The following ADGRB3 variants were observed in gnomAD, a reference collection of about 807,000 sequenced individuals.
The protein encoded by ADGRB3 is brain-specific angiogenesis inhibitor 3.
A neutral mutation model predicts 193.4 loss-of-function variants in ADGRB3; 37 were observed. The ratio of observed to expected loss-of-function variants is 0.19; its 90% confidence interval spans 0.15 to 0.25. ADGRB3 has a LOEUF of 0.25. Ranked by LOEUF, ADGRB3 falls within the 10% of genes least tolerant of loss-of-function variation. The pLI is 1.00. For missense variants in ADGRB3, 1,637 were observed against 1,852.9 expected (o/e 0.88, Z 2.14); for synonymous variants, 690 against 644.2 (o/e 1.07, Z -1.08).
chr6:69,023,341 G>A (rs1028910523), intron 13 of ADGRB3, among the ~76,000 whole-genome samples: 5 of 152,092 alleles, frequency 3.3e-5, no homozygotes, highest in Non-Finnish European at 5.9e-5. Flanking sequence ...TCCAGGAGAT[G>A]TTGTTCTGTA....
At chr6:69,149,921 T>C (rs1774620683) in intron 17 of ADGRB3, among the ~76,000 whole-genome samples, 2 of 140,854 alleles carry the variant, frequency 1.4e-5, no homozygotes, top group Non-Finnish European at 3.0e-5. Flanking sequence ...TCTGTCTGTC[T>C]TTCTGTGTGT....
chr6:68,753,155 C>G (rs1183166485), intron 3 of ADGRB3, among the ~76,000 whole-genome samples: 1 of 152,084 alleles, frequency 6.6e-6, no homozygotes, highest in African/African-American at 2.4e-5. Flanking sequence ...AATACACTAT[C>G]CATGATTTTC....
intron 17 of ADGRB3, among the ~76,000 whole-genome samples, chr6:69,112,105 T>G (rs1428631009): frequency 6.6e-6 from 1 of 152,204 alleles, no homozygotes; most frequent in African/African-American, 2.4e-5. Flanking sequence ...GATTTTTTTC[T>G]TCTCACTTTA....
chr6:69,008,214 T>C (rs1769824422), intron 11 of ADGRB3, among the ~76,000 whole-genome samples: 1 of 152,168 alleles, frequency 6.6e-6, no homozygotes, highest in Non-Finnish European at 1.5e-5. Context: ...ATTTGCTTAC[T>C]TTTTCTTCTC....
At position 69,330,515 on chromosome 6, in the gene ADGRB3, C is replaced by G. The variant is rs772783507; in HGVS notation, c.3045C>G (p.Leu1015=). Residue 1015 remains leucine, a synonymous_variant, in exon 23 of 32, where the codon CTC becomes CTG. Transcript: ENST00000370598. ...KGYGTDHYCW[L]SLEGGLLYAF... ...CTAATGTCATTTTCAGCTGCTGGCT[C>G]TCTCTTGAAGGAGGACTACTCTATG... The G allele has an allele frequency of 1.9e-5, 30 of 1,603,516 alleles. No homozygotes were observed. Among genetic ancestry groups the G allele is most frequent in the Admixed American group, 1.7e-4 (10 of 59,372 alleles).
At chr6:69,358,721 T>A (rs947858655) in intron 28 of ADGRB3, among the ~76,000 whole-genome samples, 6 of 151,906 alleles carry the variant, frequency 3.9e-5, no homozygotes, top group African/African-American at 1.4e-4. Context: ...GTTTGAAGTT[T>A]GTGTTTCACT....
At chr6:69,108,140 G>T (rs1013150418) in intron 17 of ADGRB3, among the ~76,000 whole-genome samples, 2 of 151,988 alleles carry the variant, frequency 1.3e-5, no homozygotes, top group Admixed American at 6.6e-5. Context: ...CCAGGTCACA[G>T]AAACTATTCA....
At chr6:68,886,906 C>T (rs1021478719) in intron 3 of ADGRB3, among the ~76,000 whole-genome samples, 9 of 151,830 alleles carry the variant, frequency 5.9e-5, no homozygotes, top group African/African-American at 2.2e-4. Context: ...TGTAGAATAA[C>T]ATCATCCCTA....
intron 8 of ADGRB3, 62 bp downstream of exon 8, chr6:68,956,871 A>T: frequency 6.4e-7 from 1 of 1,564,948 alleles, no homozygotes; most frequent in Non-Finnish European, 8.7e-7. Flanking sequence ...AAAAAGATTT[A>T]AAAATATTGT....
chr6:68,662,234 A>G (rs1215577046), intron 3 of ADGRB3, among the ~76,000 whole-genome samples: 1 of 151,652 alleles, frequency 6.6e-6, no homozygotes, highest in Non-Finnish European at 1.5e-5. Context: ...TGAGCAGCTT[A>G]GAATAGTCCT....
intron 17 of ADGRB3, among the ~76,000 whole-genome samples, chr6:69,218,775 A>T (rs560604014): frequency 6.6e-6 from 1 of 152,150 alleles, no homozygotes; most frequent in Admixed American, 6.6e-5. Flanking sequence ...ATCGGAGCCA[A>T]TGAGAATTTA....
intron 3 of ADGRB3, among the ~76,000 whole-genome samples, chr6:68,870,393 T>C (rs1019477217): frequency 6.6e-6 from 1 of 152,208 alleles, no homozygotes; most frequent in Non-Finnish European, 1.5e-5. Flanking sequence ...TATCAGCATG[T>C]CTTGAAAAAT....
chr6:69,216,967 T>C (rs1765783188), intron 17 of ADGRB3, among the ~76,000 whole-genome samples: 1 of 152,164 alleles, frequency 6.6e-6, no homozygotes, highest in Non-Finnish European at 1.5e-5. Context: ...TAACCTGTCT[T>C]GTCCAGAAAC....
chr6:69,052,771 G>A (rs970881743), intron 15 of ADGRB3, among the ~76,000 whole-genome samples: 1 of 152,142 alleles, frequency 6.6e-6, no homozygotes, highest in African/African-American at 2.4e-5. Flanking sequence ...CCCTTTTAAA[G>A]TTAAGTAGGT....
chr6:69,311,531 C>A (rs945736207), intron 20 of ADGRB3, among the ~76,000 whole-genome samples: 1 of 151,670 alleles, frequency 6.6e-6, no homozygotes, highest in Non-Finnish European at 1.5e-5. Flanking sequence ...CCAGTCTGCT[C>A]ACAGGTACTC....
chr6:68,766,848 C>A lies in ADGRB3; in HGVS notation c.757+127416C>A, dbSNP rs548886937. ...TATAGTATCTGTATATGATTAAAAA[C>A]ACAACTAGTTATGTAGAGATTAAAT... On this transcript the variant is annotated intron_variant, in intron 3 of 31. Transcript: ENST00000370598. Among the ~76,000 whole-genome samples, 410 of 152,058 alleles carry A rather than the reference C, an allele frequency of 2.7e-3. 3 individuals are homozygous for A. The highest frequency in any genetic ancestry group is 0.011 in the Middle Eastern group (3 of 282).
chr6:69,041,525 C>T (rs796604555), intron 13 of ADGRB3, among the ~76,000 whole-genome samples: 9 of 152,198 alleles, frequency 5.9e-5, no homozygotes, highest in African/African-American at 2.2e-4. Context: ...AATCACATTG[C>T]ACCACACAGT....
intron 10 of ADGRB3, among the ~76,000 whole-genome samples, chr6:68,980,852 C>T (rs890948877): frequency 4.0e-5 from 6 of 151,308 alleles, no homozygotes; most frequent in African/African-American, 1.5e-4. Flanking sequence ...CAGGGAGCAC[C>T]TAAATCAGTA....
At chr6:68,837,207 T>C (rs1768063058) in intron 3 of ADGRB3, among the ~76,000 whole-genome samples, 1 of 152,206 alleles carries the variant, frequency 6.6e-6, no homozygotes. Flanking sequence ...TAGGCTTACC[T>C]GAAGTATAGG....
Sources: gnomAD v4.1 joint callset for allele counts (sites outside exome capture counted in the v4.1 genomes callset) on GRCh38, gnomAD v4.1.1 for gene constraint, MANE v1.5 for transcripts, NCBI Gene and HGNC (gene_info 2026-07-23, HGNC 2026-07-21) for gene names.